The following FRY variants were observed in gnomAD, a reference collection of about 807,000 sequenced individuals.
FRY encodes the protein protein furry homolog.
FRY carries 128 observed loss-of-function variants against 348.4 expected under a neutral mutation model. The observed-to-expected ratio is 0.37, with a 90% CI of 0.32 to 0.43. The LOEUF (loss-of-function observed/expected upper bound fraction) is 0.43, where lower values mean the gene tolerates loss of function less well. Ranked by LOEUF, FRY falls within the 20% of genes least tolerant of loss-of-function variation. The pLI is 1.00. For synonymous variants in FRY, 1,370 were observed against 1,374.7 expected, an observed-to-expected ratio of 1.00 and a Z score of 0.08; for missense variants, 2,736 against 3,695.2, an observed-to-expected ratio of 0.74 and a Z score of 6.73.
intron 58 of FRY, among the ~76,000 whole-genome samples, chr13:32,282,612 A>C (rs1888863969): frequency 6.6e-6 from 1 of 152,194 alleles, no homozygotes; most frequent in South Asian, 2.1e-4. Context: ...AATCATTCTT[A>C]ACAGGTGATT....
chr13:32,031,778 T>C lies in FRY; in HGVS notation c.-18T>C. The C allele has an allele frequency of 6.4e-7, 1 of 1,574,582 alleles. No homozygotes were observed. Among genetic ancestry groups the C allele is most frequent in the Non-Finnish European group, 8.7e-7 (1 of 1,145,758 alleles). On this transcript the variant is annotated 5_prime_UTR_variant, in exon 1 of 61. Coordinates refer to ENST00000542859, the MANE Select transcript of FRY (RefSeq NM_023037.3). ...CCGGCCGCTGCCCGTCCTCCCAGCC[T>C]CTTTGTATGCCGCAGACATGGCCAG... is the stretch of plus-strand genomic sequence containing the variant.
chr13:32,293,408 A>C (rs1889476198), intron 59 of FRY, among the ~76,000 whole-genome samples: 1 of 152,174 alleles, frequency 6.6e-6, no homozygotes, highest in Admixed American at 6.5e-5. Flanking sequence ...CCAAGAAAAA[A>C]TAATCCTTCA....
At position 32,298,853 on chromosome 13, in the gene FRY, C is replaced by T. The variant is rs2072104729; in HGVS notation, c.*3393C>T. The T allele has an allele frequency of 2.0e-5, 3 of 152,186 alleles. No homozygotes were observed. Among genetic ancestry groups the T allele is most frequent in the African/African-American group, 7.2e-5 (3 of 41,446 alleles). 9.4% of individuals were successfully genotyped at this position (152,186 alleles called of 1,614,324 possible). ...TGAAGAGAGCGTTCAGAGAGGACAGCCAAAAGCTCTGTGGGCCACGGCAGG... is the reference window on the plus strand; with the variant it reads ...TGAAGAGAGCGTTCAGAGAGGACAGTCAAAAGCTCTGTGGGCCACGGCAGG... On this transcript the variant is annotated 3_prime_UTR_variant, in exon 61 of 61. Transcript: ENST00000542859.
chr13:32,267,102 A>C (rs2138564547), intron 54 of FRY, 68 bp from the exon 55 acceptor site: 1 of 1,433,184 alleles, frequency 7.0e-7, no homozygotes. Context: ...CAGGGTGAGA[A>C]TTTATAAAAC....
In FRY at chr13:32,202,344, A is replaced by G. The variant is rs1884079511; in HGVS notation, c.3847-12A>G. ...TTTCATACTACTTTTTTACTTTCCT[A>G]CATCTTTATAGATCCTTGAAGCAAA... is the stretch of plus-strand genomic sequence containing the variant. On this transcript the variant is annotated splice_polypyrimidine_tract_variant and intron_variant, in intron 30 of 60. Coordinates refer to ENST00000542859, the MANE Select transcript of FRY (RefSeq NM_023037.3). The G allele has an allele frequency of 1.9e-6, 3 of 1,608,618 alleles. No homozygotes were observed. The highest frequency in any genetic ancestry group is 3.3e-5 in the Admixed American group (2 of 59,996).
chr13:32,256,886 C>G (rs926183332), intron 51 of FRY, among the ~76,000 whole-genome samples: 5 of 152,164 alleles, frequency 3.3e-5, no homozygotes, highest in African/African-American at 1.2e-4. Flanking sequence ...TTTTTGAACA[C>G]TAACATGACA....
intron 36 of FRY, 105 bp downstream of exon 36, chr13:32,218,936 G>A: frequency 1.4e-6 from 1 of 713,542 alleles, no homozygotes. Flanking sequence ...AGGGCCTATA[G>A]ATATTAAGTA....
Position 32,237,279 on chromosome 13 carries a change from A to G in FRY, c.5811-100A>G. On this transcript the variant is annotated intron_variant, in intron 43 of 60. Transcript: ENST00000542859. The surrounding 1 kb of genome is among the most constrained non-coding windows in gnomAD (Gnocchi z 6.3). ...TGAATAGAAAGTGGCATTTCTAAAG[A>G]ATGATTTCCCTCCTGCAGTGTTTCT... 2 of 1,163,604 alleles carry G rather than the reference A, an allele frequency of 1.7e-6. No homozygotes were observed. Among genetic ancestry groups the G allele is most frequent in the Non-Finnish European group, 2.5e-6 (2 of 794,010 alleles). The allele number at this position is 1,163,604 out of a possible 1,614,324, so 72.1% of individuals were successfully genotyped here.
At chr13:32,219,080 C>CAT (rs932187845) in intron 36 of FRY, among the ~76,000 whole-genome samples, 22 of 144,150 alleles carry the variant, frequency 1.5e-4, no homozygotes, top group African/African-American at 2.1e-4. Flanking sequence ...TATATATATA[C>CAT]ATATATATAT....
Position 32,211,625 on chromosome 13 carries a change from C to G in FRY, c.4591+591C>G, listed in dbSNP as rs139125541. ...CACTCAGGAATCTCATTTCTGGATCCCCCTTCTTGTATCTGGACCCTCCCT... is the reference window on the plus strand; with the variant it reads ...CACTCAGGAATCTCATTTCTGGATCGCCCTTCTTGTATCTGGACCCTCCCT... On this transcript the variant is annotated intron_variant, in intron 34 of 60. Coordinates refer to ENST00000542859, the MANE Select transcript of FRY (RefSeq NM_023037.3). 5.9e-5 allele frequency among the ~76,000 whole-genome samples: 9 copies of G among 152,208 alleles called. No individual in the cohort carries two copies. In the East Asian group the frequency reaches 1.7e-3, roughly 29 times the overall value.
chr13:32,285,510 C>T (rs1009188484), intron 58 of FRY, among the ~76,000 whole-genome samples: 1 of 152,170 alleles, frequency 6.6e-6, no homozygotes, highest in African/African-American at 2.4e-5. Context: ...GGGAGGAATT[C>T]ATTGACAATG....
At chr13:32,203,581 G>T (rs1884171762) in intron 31 of FRY, among the ~76,000 whole-genome samples, 1 of 152,064 alleles carries the variant, frequency 6.6e-6, no homozygotes, top group South Asian at 2.1e-4. Flanking sequence ...AAATTAGCTG[G>T]GCATGGTGGC....
At chr13:32,286,852 G>T (rs1191596186) in intron 58 of FRY, among the ~76,000 whole-genome samples, 1 of 143,932 alleles carries the variant, frequency 6.9e-6, no homozygotes, top group Non-Finnish European at 1.5e-5. Flanking sequence ...ATTAGTTGTA[G>T]ATTACTTTTA....
intron 58 of FRY, among the ~76,000 whole-genome samples, 181 bp from the exon 59 acceptor site, chr13:32,289,452 C>T (rs945147633): frequency 4.6e-5 from 7 of 151,976 alleles, no homozygotes; most frequent in African/African-American, 1.5e-4. Context: ...GAAATTATAC[C>T]GTGGATTTCT....
At chr13:32,050,771 T>C (rs1873278426) in intron 1 of FRY, among the ~76,000 whole-genome samples, 2 of 152,292 alleles carry the variant, frequency 1.3e-5, no homozygotes, top group South Asian at 4.1e-4. Flanking sequence ...TGACAATTAT[T>C]ACATGATGGC....
At chr13:32,271,706 C>A (rs1282163288) in intron 55 of FRY, among the ~76,000 whole-genome samples, 1 of 152,202 alleles carries the variant, frequency 6.6e-6, no homozygotes, top group Non-Finnish European at 1.5e-5. Flanking sequence ...AATGTCCTCG[C>A]AGAAGATGAC....
intron 41 of FRY, among the ~76,000 whole-genome samples, chr13:32,234,069 G>C (rs1886075226): frequency 6.7e-6 from 1 of 149,444 alleles, no homozygotes; most frequent in Non-Finnish European, 1.5e-5. Flanking sequence ...AGGATTTCTT[G>C]GGCCCAGGAG....
intron 26 of FRY, among the ~76,000 whole-genome samples, chr13:32,185,815 T>G (rs1882993534): frequency 6.6e-6 from 1 of 152,232 alleles, no homozygotes; most frequent in Non-Finnish European, 1.5e-5. Flanking sequence ...CTTCTCATCT[T>G]CAGCGACCCT....
intron 3 of FRY, among the ~76,000 whole-genome samples, chr13:32,114,790 T>C (rs1021492833): frequency 1.3e-5 from 2 of 152,210 alleles, no homozygotes; most frequent in Non-Finnish European, 2.9e-5. Flanking sequence ...AAATATCCTT[T>C]CTCATGTTGG....
Sources: allele counts gnomAD v4.1 joint callset (sites outside exome capture counted in the v4.1 genomes callset), GRCh38; gene constraint gnomAD v4.1.1; non-coding constraint Gnocchi (gnomAD v3.1); transcripts MANE v1.5; gene names NCBI Gene and HGNC (gene_info 2026-07-23, HGNC 2026-07-21).